GSDMC: variants seen among roughly 807,000 people sequenced by gnomAD.
GSDMC encodes the protein gasdermin C.
Under a neutral mutation model 58.0 loss-of-function variants are expected in GSDMC, and 59 were observed. The observed-to-expected ratio is 1.02, with a 90% CI of 0.82 to 1.26. The LOEUF is 1.26. Among genes scored for constraint, GSDMC ranks in the 50% most tolerant of loss-of-function variants. GSDMC has a pLI of 0.00. For missense variants in GSDMC, 659 were observed against 598.5 expected, an observed-to-expected ratio of 1.10 and a Z score of -1.06; for synonymous variants, 241 against 220.2, an observed-to-expected ratio of 1.09 and a Z score of -0.83.
intron 1 of GSDMC, among the ~76,000 whole-genome samples, chr8:129,778,304 A>T (rs2034306956): frequency 6.6e-6 from 1 of 152,162 alleles, no homozygotes; most frequent in East Asian, 1.9e-4. Context: ...ATGAGGTCAG[A>T]AGAAAGTGAG....
At chr8:129,745,102 A>G (rs1054091768), downstream of GSDMC, among the ~76,000 whole-genome samples, 6 of 152,228 alleles carry the variant, frequency 3.9e-5, no homozygotes, top group Non-Finnish European at 7.3e-5. Context: ...TCTTACTACA[A>G]GCCCATGAAA....
chr8:129,752,115 G>A lies in GSDMC; in HGVS notation c.877C>T (p.His293Tyr), dbSNP rs2033227177. The change falls in exon 8 of 14, where the codon CAT (histidine) becomes TAT (tyrosine). Residue 293 changes from histidine to tyrosine, a missense_variant. Transcript: ENST00000276708. ...LFLTQQFLSG[H>Y]LPKYEQVHIL... ...GCCAGATTCCACTCACTTGGCAAAT[G>A]CCCGCTCAAAAATTGCTGTGTCAGA... 6.2e-7 allele frequency: 1 copy of A among 1,613,068 alleles called. No homozygotes were observed. Among genetic ancestry groups the A allele is most frequent in the Non-Finnish European group, 8.5e-7 (1 of 1,179,050 alleles).
chr8:129,734,772 A>G, the GSDMC span, among the ~76,000 whole-genome samples: 2 of 152,206 alleles, frequency 1.3e-5, no homozygotes, highest in African/African-American at 4.8e-5. Context: ...CAAAATAACC[A>G]GCTAACATCA....
chr8:129,752,961 G>A (rs2033276122), intron 6 of GSDMC, 141 bp from the exon 7 acceptor site: 3 of 1,395,886 alleles, frequency 2.1e-6, no homozygotes. Context: ...CCCACTCAAA[G>A]AGGAATTGCC....
At chr8:129,767,592 G>A (rs2033908431) in intron 3 of GSDMC, among the ~76,000 whole-genome samples, 1 of 152,268 alleles carries the variant, frequency 6.6e-6, no homozygotes, top group South Asian at 2.1e-4. Context: ...GGAGTTCATG[G>A]TGACCCTGAC....
At chr8:129,745,318 ATCT>A (rs1317688832), downstream of GSDMC, among the ~76,000 whole-genome samples, 1 of 152,096 alleles carries the variant, frequency 6.6e-6, no homozygotes, top group East Asian at 1.9e-4. Context: ...AGTCTTCCTC[ATCT>A]TCTTTGATGT....
intron 6 of GSDMC, among the ~76,000 whole-genome samples, chr8:129,756,191 A>T (rs1192453265): frequency 2.0e-5 from 3 of 152,028 alleles, no homozygotes; most frequent in Non-Finnish European, 4.4e-5. Context: ...AACCAAAAAA[A>T]AAAGCAGAAA....
At chr8:129,777,744 T>G (rs778640572) in intron 1 of GSDMC, among the ~76,000 whole-genome samples, 153 bp from the exon 2 acceptor site, 5 of 152,192 alleles carry the variant, frequency 3.3e-5, no homozygotes, top group Non-Finnish European at 5.9e-5. Context: ...CTTTCTCAAC[T>G]TTGAGTTCAT....
chr8:129,750,963 G>A lies in GSDMC; in HGVS notation c.944-393C>T, dbSNP rs2033165626. Among the ~76,000 whole-genome samples, 4 of 152,276 alleles carry A rather than the reference G, an allele frequency of 2.6e-5. No homozygotes were observed. In the South Asian group the frequency reaches 8.3e-4, roughly 32 times the overall value. ...AGTTTCCATATTGGTTAAATGGGATGTTATGAGGATTAAAAGAGTTTATGT... is the reference window on the plus strand; with the variant it reads ...AGTTTCCATATTGGTTAAATGGGATATTATGAGGATTAAAAGAGTTTATGT... On this transcript the variant is annotated intron_variant, in intron 10 of 13. Coordinates refer to ENST00000276708, the MANE Select transcript of GSDMC (RefSeq NM_031415.3).
At chr8:129,720,230 G>A in the GSDMC span, among the ~76,000 whole-genome samples, 1 of 152,272 alleles carries the variant, frequency 6.6e-6, no homozygotes, top group African/African-American at 2.4e-5. Flanking sequence ...CAGTGTTTTG[G>A]TGAGAAGAAA....
chr8:129,744,502 G>C (rs1481884930), downstream of GSDMC, among the ~76,000 whole-genome samples: 1 of 152,218 alleles, frequency 6.6e-6, no homozygotes, highest in East Asian at 1.9e-4. Flanking sequence ...ATTGGGTTGA[G>C]AGAGAAGTAA....
At chr8:129,747,798 T>G (rs1413318149), downstream of GSDMC, among the ~76,000 whole-genome samples, 1 of 151,944 alleles carries the variant, frequency 6.6e-6, no homozygotes, top group Non-Finnish European at 1.5e-5. Flanking sequence ...CTGTGTTGAT[T>G]GGGGATTAAG....
At chr8:129,762,440 C>T (rs945093985) in intron 5 of GSDMC, among the ~76,000 whole-genome samples, 186 bp downstream of exon 5, 3 of 152,188 alleles carry the variant, frequency 2.0e-5, no homozygotes, top group African/African-American at 7.2e-5. Context: ...CCAGGCCATG[C>T]TTGGAGGTGC....
At position 129,776,289 on chromosome 8, in the gene GSDMC, G is replaced by C; in HGVS notation, c.221-4C>G. On this transcript the variant is annotated splice_polypyrimidine_tract_variant and splice_region_variant and intron_variant, in intron 2 of 13. Coordinates refer to ENST00000276708, the MANE Select transcript of GSDMC (RefSeq NM_031415.3). ...AACGGTCCTGTCACAACAGTTTCTG[G>C]GGAAAGAAAAGACGACCATAGGTTT... The C allele has an allele frequency of 6.3e-7, 1 of 1,594,426 alleles. No homozygotes were observed. The highest frequency in any genetic ancestry group is 8.5e-7 in the Non-Finnish European group (1 of 1,172,020).
intron 9 of GSDMC, 34 bp downstream of exon 9, chr8:129,751,828 T>TCCCCCC: frequency 3.2e-6 from 5 of 1,576,990 alleles, no homozygotes; most frequent in Admixed American, 3.3e-5. Context: ...CAGGATGGGA[T>TCCCCCC]CCCCACCCCC....
chr8:129,750,267 C>A, intron 11 of GSDMC, 148 bp from the exon 12 acceptor site: 2 of 1,007,174 alleles, frequency 2.0e-6, no homozygotes, highest in Non-Finnish European at 1.4e-6. Context: ...GTAGTGGGGG[C>A]GACACTTCCC....
the GSDMC span, chr8:129,728,837 C>T: frequency 5.1e-6 from 3 of 593,618 alleles, no homozygotes; most frequent in African/African-American, 3.6e-5. Context: ...GCTGAGGTAG[C>T]CCGCTGCTGG....
the GSDMC span, among the ~76,000 whole-genome samples, chr8:129,740,874 A>G: frequency 2.0e-5 from 3 of 152,096 alleles, no homozygotes; most frequent in African/African-American, 7.2e-5. Context: ...TAATTTTGCT[A>G]TTGTTGCCCG....
intron 8 of GSDMC, 55 bp downstream of exon 8, chr8:129,752,051 G>T: frequency 6.5e-7 from 1 of 1,532,602 alleles, no homozygotes; most frequent in Non-Finnish European, 9.0e-7. Flanking sequence ...AAGGCAATCA[G>T]GTGGTTTTTT....
Sources: gnomAD v4.1 joint callset for allele counts (sites outside exome capture counted in the v4.1 genomes callset) on GRCh38, gnomAD v4.1.1 for gene constraint, MANE v1.5 for transcripts, NCBI Gene and HGNC (gene_info 2026-07-23, HGNC 2026-07-21) for gene names.